Variants in PIK3IP1 observed in about 807,000 individuals in gnomAD.
PIK3IP1 encodes phosphoinositide-3-kinase interacting protein 1.
In PIK3IP1, 28 loss-of-function variants were observed where a neutral mutation model predicts 30.7. The observed-to-expected ratio is 0.91, with a 90% confidence interval of 0.68 to 1.25. The LOEUF (loss-of-function observed/expected upper bound fraction) is 1.25. Ranked by LOEUF, PIK3IP1 falls within the 50% of genes most tolerant of loss-of-function variation. The probability of loss-of-function intolerance (pLI) is 0.00; values close to 1 mark genes in which losing one functional copy is unlikely to be tolerated. For synonymous variants in PIK3IP1, 159 were observed against 140.8 expected (o/e 1.13, Z -0.91); for missense variants, 333 against 346.2 (o/e 0.96, Z 0.30).
At chr22:31,291,159 C>A in intron 2 of PIK3IP1, 21 bp downstream of exon 2, 1 of 1,538,634 alleles carries the variant, frequency 6.5e-7, no homozygotes, top group Non-Finnish European at 8.8e-7. Context: ...GCCCCGGGGC[C>A]GTCCCCCGGA....
intron 5 of PIK3IP1, 45 bp downstream of exon 5, chr22:31,289,270 C>T (rs2073861): frequency 6.3e-7 from 1 of 1,596,434 alleles, no homozygotes; most frequent in Non-Finnish European, 8.6e-7. Flanking sequence ...CTTTGTGTAC[C>T]TTCCTCCCCT....
At chr22:31,285,107 C>A (rs1233128475) in intron 5 of PIK3IP1, among the ~76,000 whole-genome samples, 1 of 151,970 alleles carries the variant, frequency 6.6e-6, no homozygotes, top group Admixed American at 6.5e-5. Context: ...AGTATGGAAG[C>A]ACCACAGACC....
chr22:31,291,295 G>A lies in PIK3IP1; in HGVS notation c.72C>T (p.Gly24=), dbSNP rs1207146306. Residue 24 remains glycine, a splice_region_variant and synonymous_variant, in exon 2 of 6, where the codon GGC becomes GGT. Transcript: ENST00000215912. ...ACAGGTGGCCGTTGTCCCAGAAACAGCCTGTGAGGAAAAGAAGCCCCCGGA... is the reference window on the plus strand; with the variant it reads ...ACAGGTGGCCGTTGTCCCAGAAACAACCTGTGAGGAAAAGAAGCCCCCGGA... The part of the protein sequence containing the change: ...MLLAEAYGSG[G]CFWDNGHLYR... The A allele has an allele frequency of 4.5e-6, 7 of 1,557,012 alleles. No homozygotes were observed. Among genetic ancestry groups the A allele is most frequent in the Non-Finnish European group, 5.2e-6 (6 of 1,151,056 alleles).
chr22:31,290,013 C>G (rs1569012176), intron 3 of PIK3IP1: 1 of 302,494 alleles, frequency 3.3e-6, no homozygotes, highest in East Asian at 6.4e-5. Context: ...GGATTCCCCC[C>G]ACTTCTACTT....
chr22:31,285,844 A>G (rs2123886659), intron 5 of PIK3IP1, among the ~76,000 whole-genome samples: 1 of 152,288 alleles, frequency 6.6e-6, no homozygotes, highest in South Asian at 2.1e-4. Flanking sequence ...TGTAAAATCT[A>G]ACAGTGCTCC....
chr22:31,285,035 G>C (rs1191815130), intron 5 of PIK3IP1, among the ~76,000 whole-genome samples: 1 of 152,204 alleles, frequency 6.6e-6, no homozygotes, highest in Admixed American at 6.5e-5. Flanking sequence ...ACTGGGAGCT[G>C]AGCTGGCCAG....
intron 5 of PIK3IP1, among the ~76,000 whole-genome samples, chr22:31,286,571 A>C (rs933281818): frequency 6.6e-6 from 1 of 152,224 alleles, no homozygotes; most frequent in African/African-American, 2.4e-5. Context: ...CTGAGTTTAC[A>C]GGAAAATAAA....
intron 5 of PIK3IP1, among the ~76,000 whole-genome samples, chr22:31,284,300 C>A (rs536885921): frequency 1.3e-5 from 2 of 152,360 alleles, no homozygotes; most frequent in South Asian, 2.1e-4. Context: ...GCCAGCTGAG[C>A]TGCTGCTAAT....
In PIK3IP1 at chr22:31,283,296, G is replaced by A. The variant is rs8135437; in HGVS notation, c.588-8C>T. 6.2e-7 allele frequency: 1 copy of A among 1,600,920 alleles called. No individual in the cohort carries two copies. Among genetic ancestry groups the A allele is most frequent in the Non-Finnish European group, 8.5e-7 (1 of 1,178,864 alleles). ...TCTTTCAAATCCTTCCCCCTGGCAGGAAAAAAACAAACAAACATTCAGGCT... is the reference window on the plus strand; with the variant it reads ...TCTTTCAAATCCTTCCCCCTGGCAGAAAAAAAACAAACAAACATTCAGGCT... On this transcript the variant is annotated splice_polypyrimidine_tract_variant and splice_region_variant and intron_variant, in intron 5 of 5. Coordinates refer to ENST00000215912, the MANE Select transcript of PIK3IP1 (RefSeq NM_052880.5).
Position 31,290,872 on chromosome 22 carries a change from G to A in PIK3IP1, c.307+93C>T, listed in dbSNP as rs894596100. 9 of 1,430,778 alleles carry A rather than the reference G, an allele frequency of 6.3e-6. 1 individual carries two copies. The highest frequency in any genetic ancestry group is 6.0e-5 in the Admixed American group (2 of 33,502). 88.6% of individuals were successfully genotyped at this position (1,430,778 alleles called of 1,614,324 possible). A position where few individuals can be genotyped will look rare whatever the true frequency, so the allele number is the denominator to read the frequency against. On this transcript the variant is annotated intron_variant, in intron 3 of 5. Coordinates refer to ENST00000215912, the MANE Select transcript of PIK3IP1 (RefSeq NM_052880.5). ...ACGGCGCGGAGGCGGAGCGGGGCCG[G>A]CCGGCATCGCGCGGCCGCACGTGCG...
chr22:31,290,876 GCAT>G (rs2049170787), intron 3 of PIK3IP1, 86 bp downstream of exon 3: 6 of 1,434,704 alleles, frequency 4.2e-6, no homozygotes, highest in Middle Eastern at 2.6e-4. Flanking sequence ...GGGCCGGCCG[GCAT>G]CGCGCGGCCG....
At chr22:31,283,333 A>T (rs1169664497) in intron 5 of PIK3IP1, 45 bp from the exon 6 acceptor site, 1 of 1,601,208 alleles carries the variant, frequency 6.2e-7, no homozygotes, top group Admixed American at 1.7e-5. Flanking sequence ...TGCCTCCTGC[A>T]TAGCTTTGCT....
At chr22:31,292,182 G>T in intron 1 of PIK3IP1, 93 bp downstream of exon 1, 1 of 1,303,072 alleles carries the variant, frequency 7.7e-7, no homozygotes, top group Non-Finnish European at 1.1e-6. Context: ...TAAACGCTTC[G>T]TTTCCTGTCA....
chr22:31,290,867 G>A (rs1055964546), intron 3 of PIK3IP1, 98 bp downstream of exon 3: 6 of 1,421,652 alleles, frequency 4.2e-6, no homozygotes, highest in Middle Eastern at 2.6e-4. Flanking sequence ...GGCGGAGCGG[G>A]GCCGGCCGGC....
chr22:31,288,370 C>T (rs2049146812), intron 5 of PIK3IP1, among the ~76,000 whole-genome samples: 1 of 53,996 alleles, frequency 1.9e-5, no homozygotes, highest in Non-Finnish European at 3.1e-5. Context: ...TAGAGCGAGA[C>T]CCTGAAAAAA....
Position 31,291,393 on chromosome 22 carries a change from C to G in PIK3IP1, c.71-97G>C, listed in dbSNP as rs899572110. ...GGGAGCCGGGACCACCCGGGCTGAA[C>G]CTCAGCCTGGTTAGGGGACCCCGGG... On this transcript the variant is annotated intron_variant, in intron 1 of 5. Coordinates refer to ENST00000215912, the MANE Select transcript of PIK3IP1 (RefSeq NM_052880.5). The G allele has an allele frequency of 3.6e-5, 45 of 1,238,954 alleles. No individual in the cohort carries two copies. In the Admixed American group the frequency reaches 8.7e-4, roughly 24 times the overall value. 76.7% of individuals were successfully genotyped at this position (1,238,954 alleles called of 1,614,324 possible). A position where few individuals can be genotyped will look rare whatever the true frequency, so the allele number is the denominator to read the frequency against.
Position 31,283,088 on chromosome 22 carries a change from G to A in PIK3IP1, c.788C>T (p.Ala263Val). The part of the protein sequence containing the change: ...PLMGQAGTPG[A>V] Reference sequence around the variant, plus strand: ...GCTCCTGCCCACTGGGGGGGCTCAGGCCCCAGGAGTCCCGGCCTGGCCCAT... The same window carrying A: ...GCTCCTGCCCACTGGGGGGGCTCAGACCCCAGGAGTCCCGGCCTGGCCCAT... Residue 263 changes from alanine (A) to valine (V), a missense_variant, in exon 6 of 6, where the codon GCC becomes GTC. Ala to Val is a moderately conservative substitution (Grantham distance 64). Transcript: ENST00000215912. 2 of 1,592,666 alleles carry A rather than the reference G, an allele frequency of 1.3e-6. No homozygotes were observed. Among genetic ancestry groups the A allele is most frequent in the East Asian group, 2.3e-5 (1 of 44,294 alleles).
In PIK3IP1 at chr22:31,283,081, G is replaced by C. The variant is rs760540444; in HGVS notation, c.*3C>G. On this transcript the variant is annotated 3_prime_UTR_variant, in exon 6 of 6. Coordinates refer to ENST00000215912, the MANE Select transcript of PIK3IP1 (RefSeq NM_052880.5). ...TGCATGGGCTCCTGCCCACTGGGGG[G>C]GCTCAGGCCCCAGGAGTCCCGGCCT... is the stretch of plus-strand genomic sequence containing the variant. 3.8e-6 allele frequency: 6 copies of C among 1,586,016 alleles called. No individual in the cohort carries two copies. The highest frequency in any genetic ancestry group is 2.7e-5 in the African/African-American group (2 of 74,608).
rs1372269913 is a variant in PIK3IP1, at chr22:31,283,910, C to CT, written c.588-623dup. On this transcript the variant is annotated intron_variant, in intron 5 of 5. Coordinates refer to ENST00000215912, the MANE Select transcript of PIK3IP1 (RefSeq NM_052880.5). ...GCATCTACTAAATGTCAGCTACAGG[C>CT]TTTTTTTTTTGGAGATGGAGTTTCG... 7.2e-3 allele frequency among the ~76,000 whole-genome samples: 1,066 copies of CT among 147,562 alleles called. 13 individuals carry two copies. The highest frequency in any genetic ancestry group is 0.024 in the African/African-American group (959 of 40,270).
Sources: allele counts gnomAD v4.1 joint callset (sites outside exome capture counted in the v4.1 genomes callset), GRCh38; gene constraint gnomAD v4.1.1; transcripts MANE v1.5; gene names NCBI Gene and HGNC (gene_info 2026-07-23, HGNC 2026-07-21).